SGCZ: variants seen among roughly 807,000 people sequenced by gnomAD.
SGCZ encodes sarcoglycan zeta.
A neutral mutation model predicts 41.3 loss-of-function variants in SGCZ; 40 were observed. The ratio of observed to expected loss-of-function variants is 0.97; its 90% CI spans 0.75 to 1.26. The LOEUF is 1.26. Among genes scored for constraint, SGCZ ranks in the 50% most tolerant of loss-of-function variants. The pLI is 0.00. For synonymous variants in SGCZ, 206 were observed against 137.5 expected, an observed-to-expected ratio of 1.50 and a Z score of -3.49; for missense variants, 552 against 369.8, an observed-to-expected ratio of 1.49 and a Z score of -4.04.
intron 1 of SGCZ, among the ~76,000 whole-genome samples, chr8:14,713,782 T>A (rs184196639): frequency 5.0e-4 from 76 of 152,136 alleles, no homozygotes; most frequent in African/African-American, 1.7e-3. Context: ...TTTATGTTAA[T>A]TTGTTATTGT....
intron 1 of SGCZ, among the ~76,000 whole-genome samples, chr8:14,908,195 G>C (rs78328246): frequency 1.3e-5 from 2 of 152,010 alleles, no homozygotes; most frequent in African/African-American, 4.8e-5. Context: ...ATATTTTTAG[G>C]CATTATGGCA....
intron 3 of SGCZ, among the ~76,000 whole-genome samples, chr8:14,263,191 A>G (rs1488894674): frequency 6.6e-6 from 1 of 152,248 alleles, no homozygotes; most frequent in Non-Finnish European, 1.5e-5. Flanking sequence ...AAGTGTAAAT[A>G]AAAGTATAGT....
intron 1 of SGCZ, among the ~76,000 whole-genome samples, chr8:14,580,017 C>A (rs570445993): frequency 1.3e-5 from 2 of 152,300 alleles, no homozygotes; most frequent in South Asian, 4.1e-4. Context: ...CTCTGAAGCA[C>A]TGAAGGCCTG....
At position 14,882,972 on chromosome 8, in the gene SGCZ, AT is replaced by A. The variant is rs1454485200; in HGVS notation, c.40-328047del. Among the ~76,000 whole-genome samples, 8 of 152,194 alleles carry A rather than the reference AT, an allele frequency of 5.3e-5. No individual in the cohort carries two copies. In the South Asian group the frequency reaches 1.5e-3, roughly 28 times the overall value. ...TTAATTTTTTAATATTTCTAATTTT[AT>A]TGATTGCATCTCATTTTACATCTAT... On this transcript the variant is annotated intron_variant, in intron 1 of 7. Transcript: ENST00000382080.
At chr8:14,197,698 A>G (rs879273047) in intron 4 of SGCZ, among the ~76,000 whole-genome samples, 13 of 152,104 alleles carry the variant, frequency 8.5e-5, no homozygotes, top group African/African-American at 3.1e-4. Flanking sequence ...TCCTAAATCT[A>G]ACATCATATT....
chr8:15,048,810 T>C (rs1804409167), intron 1 of SGCZ, among the ~76,000 whole-genome samples: 1 of 152,240 alleles, frequency 6.6e-6, no homozygotes, highest in South Asian at 2.1e-4. Context: ...GTGAAGTTGT[T>C]TTTTTAACGT....
intron 2 of SGCZ, among the ~76,000 whole-genome samples, chr8:14,400,778 G>C (rs1284440419): frequency 1.3e-5 from 2 of 151,878 alleles, no homozygotes; most frequent in Non-Finnish European, 2.9e-5. Context: ...TTACAGAAAA[G>C]TAAAATATAT....
chr8:14,389,297 G>C (rs59006763), intron 2 of SGCZ, among the ~76,000 whole-genome samples: 7,140 of 151,582 alleles, frequency 0.047, 542 homozygotes, highest in African/African-American at 0.16. Context: ...TAGAAGAAAA[G>C]TAATATTTTA....
chr8:14,684,692 C>T (rs57047069), intron 1 of SGCZ, among the ~76,000 whole-genome samples: 2 of 1,940 alleles, frequency 1.0e-3, no homozygotes, highest in Admixed American at 9.6e-3. Context: ...TTTGTTTTTC[C>T]TTTTTTTGTT....
chr8:14,915,942 G>T (rs1056266193), intron 1 of SGCZ, among the ~76,000 whole-genome samples: 4 of 152,152 alleles, frequency 2.6e-5, no homozygotes, highest in Non-Finnish European at 4.4e-5. Flanking sequence ...TTTTGTAAAT[G>T]TTAGCCATTT....
At chr8:14,401,769 G>A (rs1799083638) in intron 2 of SGCZ, among the ~76,000 whole-genome samples, 1 of 151,032 alleles carries the variant, frequency 6.6e-6, no homozygotes, top group Non-Finnish European at 1.5e-5. Flanking sequence ...TATCTTCATA[G>A]CAGCATGATT....
chr8:14,112,286 G>GT (rs953936984), intron 5 of SGCZ, among the ~76,000 whole-genome samples: 3 of 111,258 alleles, frequency 2.7e-5, no homozygotes. Flanking sequence ...TTTTTTGTGG[G>GT]GGGGGGGTGC....
intron 1 of SGCZ, among the ~76,000 whole-genome samples, chr8:14,860,758 G>A (rs917856337): frequency 3.3e-5 from 5 of 151,780 alleles, no homozygotes; most frequent in Non-Finnish European, 5.9e-5. Context: ...AAGTGAGGGA[G>A]GGAGGGAGGG....
chr8:15,051,504 G>A (rs985314), intron 1 of SGCZ, among the ~76,000 whole-genome samples: 79,846 of 151,840 alleles, frequency 0.53, 21,923 homozygotes, highest in East Asian at 0.77. Flanking sequence ...GGACATATGC[G>A]TATATTTTCC....
chr8:14,642,434 T>G (rs1807058042), intron 1 of SGCZ, among the ~76,000 whole-genome samples: 1 of 151,568 alleles, frequency 6.6e-6, no homozygotes, highest in Non-Finnish European at 1.5e-5. Flanking sequence ...AAAGATTCTC[T>G]TCAAGTCAAG....
At chr8:14,640,884 C>A (rs1374402906) in intron 1 of SGCZ, among the ~76,000 whole-genome samples, 1 of 151,636 alleles carries the variant, frequency 6.6e-6, no homozygotes, top group Non-Finnish European at 1.5e-5. Flanking sequence ...CAGCCATCTG[C>A]AGCATACATC....
intron 1 of SGCZ, among the ~76,000 whole-genome samples, chr8:14,789,072 G>T (rs761716653): frequency 1.3e-5 from 2 of 151,910 alleles, no homozygotes; most frequent in Admixed American, 6.6e-5. Flanking sequence ...ACAACCCTGC[G>T]CCTCATTTCT....
chr8:14,642,653 T>C (rs1425333408), intron 1 of SGCZ, among the ~76,000 whole-genome samples: 1 of 151,624 alleles, frequency 6.6e-6, no homozygotes, highest in Non-Finnish European at 1.5e-5. Context: ...TTATTGTCAA[T>C]GCTACTTTTA....
At chr8:14,638,388 A>T (rs74390572) in intron 1 of SGCZ, among the ~76,000 whole-genome samples, 16,732 of 151,838 alleles carry the variant, frequency 0.11, 1,097 homozygotes, top group African/African-American at 0.19. Context: ...CTTGCTCACA[A>T]ATTGGAATAC....
Sources: gnomAD v4.1 joint callset for allele counts (sites outside exome capture counted in the v4.1 genomes callset) on GRCh38, gnomAD v4.1.1 for gene constraint, MANE v1.5 for transcripts, NCBI Gene and HGNC (gene_info 2026-07-23, HGNC 2026-07-21) for gene names.